Variants in PARN observed in about 807,000 individuals in gnomAD.
The protein encoded by PARN is poly(A)-specific ribonuclease PARN.
In PARN, 71 loss-of-function variants were observed where a neutral mutation model predicts 102.8. The ratio of observed to expected loss-of-function variants is 0.69; its 90% CI spans 0.57 to 0.84. The LOEUF is 0.84. Among genes scored for constraint, PARN ranks in the 40% least tolerant of loss-of-function variants. PARN has a pLI of 0.00. For synonymous variants in PARN, 261 were observed against 252.9 expected, an observed-to-expected ratio of 1.03 and a Z score of -0.30; for missense variants, 782 against 760.9, an observed-to-expected ratio of 1.03 and a Z score of -0.33.
At chr16:14,477,909 A>G (rs1963161067) in intron 22 of PARN, among the ~76,000 whole-genome samples, 1 of 152,240 alleles carries the variant, frequency 6.6e-6, no homozygotes, top group Non-Finnish European at 1.5e-5. Context: ...ACACAATATC[A>G]GCAACCAAAT....
At chr16:14,456,982 A>G (rs1961710657) in intron 22 of PARN, among the ~76,000 whole-genome samples, 1 of 152,144 alleles carries the variant, frequency 6.6e-6, no homozygotes, top group Admixed American at 6.5e-5. Flanking sequence ...CCATGAGAGC[A>G]GGCTCTTACA....
chr16:14,625,483 G>A (rs1479495505), intron 5 of PARN, among the ~76,000 whole-genome samples: 4 of 152,076 alleles, frequency 2.6e-5, no homozygotes, highest in Admixed American at 2.6e-4. Flanking sequence ...GACAAGAAGA[G>A]CGAAACTTCA....
intron 21 of PARN, among the ~76,000 whole-genome samples, chr16:14,507,472 G>C (rs1333178607): frequency 6.6e-6 from 1 of 152,146 alleles, no homozygotes; most frequent in African/African-American, 2.4e-5. Flanking sequence ...CAAGGTGGGT[G>C]CATAGCTTGG....
chr16:14,528,404 T>C (rs2151663987), intron 21 of PARN, among the ~76,000 whole-genome samples: 1 of 152,320 alleles, frequency 6.6e-6, no homozygotes, highest in East Asian at 1.9e-4. Context: ...CAGCAGGTTT[T>C]GTCTCTTGTT....
chr16:14,451,871 A>ACC (rs1961469496), intron 22 of PARN, among the ~76,000 whole-genome samples: 1 of 33,196 alleles, frequency 3.0e-5, no homozygotes, highest in African/African-American at 9.7e-5. Context: ...AAAAAATACA[A>ACC]AAAAAAAAAA....
intron 18 of PARN, among the ~76,000 whole-genome samples, chr16:14,560,384 C>T (rs1305400518): frequency 6.6e-6 from 1 of 152,182 alleles, no homozygotes; most frequent in Non-Finnish European, 1.5e-5. Flanking sequence ...AGACTGCGTG[C>T]GGGTATCTTG....
chr16:14,584,203 T>C (rs1484800996), intron 16 of PARN, 144 bp downstream of exon 16: 2 of 518,678 alleles, frequency 3.9e-6, no homozygotes, highest in African/African-American at 3.9e-5. Flanking sequence ...AAAACAATAA[T>C]TCAACACACG....
At chr16:14,460,684 G>A (rs1961916112) in intron 22 of PARN, among the ~76,000 whole-genome samples, 1 of 152,142 alleles carries the variant, frequency 6.6e-6, no homozygotes, top group South Asian at 2.1e-4. Flanking sequence ...TTAGTACACT[G>A]CAATTTAAAG....
At chr16:14,615,732 C>T (rs777591140) in intron 6 of PARN, among the ~76,000 whole-genome samples, 3 of 152,070 alleles carry the variant, frequency 2.0e-5, no homozygotes, top group Non-Finnish European at 4.4e-5. Flanking sequence ...GAAACCCCAT[C>T]GCTACTAAAA....
chr16:14,490,425 T>C (rs1045325885), intron 21 of PARN, among the ~76,000 whole-genome samples: 3 of 152,200 alleles, frequency 2.0e-5, no homozygotes, highest in African/African-American at 7.2e-5. Flanking sequence ...CATACATCTG[T>C]CTGCAAGGAA....
chr16:14,582,631 G>A (rs369099895), intron 16 of PARN, among the ~76,000 whole-genome samples: 2 of 151,538 alleles, frequency 1.3e-5, no homozygotes, highest in East Asian at 2.0e-4. Flanking sequence ...GCCATGAAAA[G>A]GATATTCTTC....
chr16:14,526,270 G>A (rs1017402265), intron 21 of PARN, among the ~76,000 whole-genome samples: 1 of 150,546 alleles, frequency 6.6e-6, no homozygotes, highest in African/African-American at 2.4e-5. Context: ...TCCGCCTCCC[G>A]GGTTCACGCC....
At chr16:14,498,353 G>T (rs983383297) in intron 21 of PARN, among the ~76,000 whole-genome samples, 10 of 151,998 alleles carry the variant, frequency 6.6e-5, no homozygotes, top group Admixed American at 6.6e-4. Context: ...CAGAAATTCC[G>T]TATCAATAGT....
At chr16:14,623,529 A>G (rs1972451094) in intron 5 of PARN, among the ~76,000 whole-genome samples, 1 of 151,582 alleles carries the variant, frequency 6.6e-6, no homozygotes, top group African/African-American at 2.4e-5. Flanking sequence ...AAAAAAAAAG[A>G]AAAGAAAAAA....
chr16:14,457,570 T>C lies in PARN; in HGVS notation c.1671-10489A>G, dbSNP rs374302353. Among the ~76,000 whole-genome samples the C allele has an allele frequency of 1.2e-4, 18 of 151,510 alleles. No individual in the cohort carries two copies. The East Asian group carries it at 3.3e-3, about 28-fold the overall frequency. The stretch of plus-strand genomic sequence containing the variant: ...ATCCCTGCACTTTGGGAGGCCGAGG[T>C]GGGCAGATCACTTGAGGTGGAGTTC... On this transcript the variant is annotated intron_variant, in intron 22 of 23. Transcript: ENST00000437198.
intron 21 of PARN, among the ~76,000 whole-genome samples, chr16:14,532,797 C>T (rs1405267010): frequency 1.3e-5 from 2 of 149,732 alleles, no homozygotes; most frequent in Non-Finnish European, 3.0e-5. Context: ...GGCGGCTGGC[C>T]GGGCGGGGGG....
chr16:14,543,789 G>A (rs1966855691), intron 21 of PARN, among the ~76,000 whole-genome samples: 1 of 152,110 alleles, frequency 6.6e-6, no homozygotes, highest in Non-Finnish European at 1.5e-5. Flanking sequence ...ACAAAACACA[G>A]AGAAAGCAAA....
In PARN at chr16:14,629,599, GA is replaced by G; in HGVS notation, c.94del (p.Ser32GlnfsTer12). Reference sequence around the variant, plus strand: ...CTGAGCTTGCAAGGGAGGGATACCTGAAAACTCCCCATCGATGGCGAAGAAG... The same window carrying G: ...CTGAGCTTGCAAGGGAGGGATACCTGAAACTCCCCATCGATGGCGAAGAAG... ...ADFFAIDGEF[S>X]GISDGPSVSA... On this transcript the variant is annotated frameshift_variant, in exon 2 of 24. Coordinates refer to ENST00000437198, the MANE Select transcript of PARN (RefSeq NM_002582.4). LOFTEE classifies it high-confidence loss of function. 6.2e-7 allele frequency: 1 copy of G among 1,610,164 alleles called. No individual in the cohort carries two copies. Among genetic ancestry groups the G allele is most frequent in the Non-Finnish European group, 8.5e-7 (1 of 1,176,372 alleles).
chr16:14,503,022 G>A (rs1403352254), intron 21 of PARN, among the ~76,000 whole-genome samples: 1 of 152,148 alleles, frequency 6.6e-6, no homozygotes, highest in Non-Finnish European at 1.5e-5. Context: ...TGTGAGAATG[G>A]TTTAAATAAA....
Sources: gnomAD v4.1 joint callset for allele counts (sites outside exome capture counted in the v4.1 genomes callset) on GRCh38, gnomAD v4.1.1 for gene constraint, MANE v1.5 for transcripts, NCBI Gene and HGNC (gene_info 2026-07-23, HGNC 2026-07-21) for gene names.